RBPJ: variants seen among roughly 807,000 people sequenced by gnomAD.
The protein encoded by RBPJ is recombination signal binding protein for immunoglobulin kappa J region.
A neutral mutation model predicts 67.8 loss-of-function variants in RBPJ; 9 were observed. The ratio of observed to expected loss-of-function variants is 0.13; its 90% CI spans 0.08 to 0.23. RBPJ has a LOEUF of 0.23. Among genes scored for constraint, RBPJ ranks in the 10% least tolerant of loss-of-function variants. The probability of loss-of-function intolerance (pLI) is 1.00; values close to 1 mark genes in which losing one functional copy is unlikely to be tolerated. For missense variants in RBPJ, 305 were observed against 595.6 expected, an observed-to-expected ratio of 0.51 and a Z score of 5.08; for synonymous variants, 198 against 203.3, an observed-to-expected ratio of 0.97 and a Z score of 0.22.
At chr4:26,363,629 G>A (rs1728309294) in intron 1 of RBPJ, among the ~76,000 whole-genome samples, 2 of 152,080 alleles carry the variant, frequency 1.3e-5, no homozygotes, top group Admixed American at 6.6e-5. Context: ...AGTAGAGACG[G>A]GTTGTCACCA....
chr4:26,222,537 T>A, intron 1 of RBPJ, among the ~76,000 whole-genome samples: 1 of 147,702 alleles, frequency 6.8e-6, no homozygotes, highest in Non-Finnish European at 1.5e-5. Flanking sequence ...AGGTGATGAG[T>A]TTTCCAGTTA....
chr4:26,205,615 T>C (rs765829584), intron 1 of RBPJ, among the ~76,000 whole-genome samples: 3 of 150,826 alleles, frequency 2.0e-5, no homozygotes, highest in African/African-American at 4.8e-5. Flanking sequence ...TTTTTGGAGA[T>C]AGAGTCTTAC....
At chr4:26,244,569 T>C (rs1719862808) in intron 1 of RBPJ, among the ~76,000 whole-genome samples, 1 of 152,070 alleles carries the variant, frequency 6.6e-6, no homozygotes, top group African/African-American at 2.4e-5. Context: ...TGTTATTTTA[T>C]ATGACTATAT....
chr4:26,244,306 CAT>C (rs1469885081), intron 1 of RBPJ, among the ~76,000 whole-genome samples: 1 of 132,670 alleles, frequency 7.5e-6, no homozygotes, highest in Non-Finnish European at 1.6e-5. Context: ...TATGTGTACA[CAT>C]ATGTGTGTAT....
In RBPJ at chr4:26,244,273, ATATGTGTG is replaced by A. The variant is rs1560226089; in HGVS notation, c.-167+80663_-167+80670del. Among the ~76,000 whole-genome samples the A allele has an allele frequency of 5.4e-3, 65 of 12,098 alleles. 5 individuals carry two copies. The highest frequency in any genetic ancestry group is 0.017 in the African/African-American group (58 of 3,352). The allele number at this position is 12,098 out of a possible 152,430, so 7.9% of individuals were successfully genotyped here. A position where few individuals can be genotyped will look rare whatever the true frequency, so the allele number is the denominator to read the frequency against. The stretch of plus-strand genomic sequence containing the variant: ...TACACATACACATATGTGTACACAT[ATATGTGTG>A]TATATGTATACACATATGTGTACAC... On this transcript the variant is annotated intron_variant, in intron 1 of 4. Transcript: ENST00000512351.
At chr4:26,127,260 G>A in the RBPJ span, among the ~76,000 whole-genome samples, 1 of 152,220 alleles carries the variant, frequency 6.6e-6, no homozygotes, top group African/African-American at 2.4e-5. Context: ...AGATCTTTCT[G>A]TATTTCATGA....
intron 1 of RBPJ, among the ~76,000 whole-genome samples, chr4:26,338,083 T>A (rs1725056068): frequency 6.6e-6 from 1 of 151,010 alleles, no homozygotes; most frequent in African/African-American, 2.4e-5. Flanking sequence ...TTTGGCTTTG[T>A]GTTTTTTTGT....
At chr4:26,123,457 G>A in the RBPJ span, among the ~76,000 whole-genome samples, 1 of 152,104 alleles carries the variant, frequency 6.6e-6, no homozygotes, top group Admixed American at 6.5e-5. Context: ...TATACTATAT[G>A]CTGTAGACTT....
At chr4:26,113,675 G>T in the RBPJ span, 1 of 266,620 alleles carries the variant, frequency 3.8e-6, no homozygotes. Flanking sequence ...TCATGAGTGT[G>T]GAAAATTCTT....
intron 1 of RBPJ, among the ~76,000 whole-genome samples, chr4:26,338,928 T>C (rs983407252): frequency 2.0e-5 from 3 of 151,992 alleles, no homozygotes; most frequent in Admixed American, 6.6e-5. Context: ...CTCAGCTCAC[T>C]GCAGTCTCAA....
intron 1 of RBPJ, among the ~76,000 whole-genome samples, chr4:26,305,046 C>T (rs187326724): frequency 8.5e-5 from 13 of 152,258 alleles, no homozygotes; most frequent in Admixed American, 2.0e-4. Context: ...CAATGTCATT[C>T]TTTTGCATGT....
At chr4:26,415,681 G>C (rs372040425) in intron 4 of RBPJ, 41 bp downstream of exon 4, 45 of 1,523,736 alleles carry the variant, frequency 3.0e-5, no homozygotes, top group Non-Finnish European at 3.9e-5. Flanking sequence ...GGGCACCATG[G>C]TACCAGAATG....
intron 1 of RBPJ, among the ~76,000 whole-genome samples, chr4:26,258,867 G>A (rs1172462464): frequency 2.0e-5 from 3 of 151,812 alleles, no homozygotes; most frequent in Admixed American, 6.6e-5. Flanking sequence ...GCAGTGGTGC[G>A]ATCTTGGCTC....
intron 2 of RBPJ, 27 bp from the exon 3 acceptor site, chr4:26,406,148 A>G (rs1448962708): frequency 2.8e-6 from 4 of 1,411,810 alleles, no homozygotes; most frequent in Non-Finnish European, 4.0e-6. Context: ...TCACCTCTGT[A>G]ACAGTAATAT....
At position 26,406,473 on chromosome 4, in the gene RBPJ, A is replaced by G. The variant is rs140858403; in HGVS notation, c.155+203A>G. On this transcript the variant is annotated intron_variant, in intron 3 of 10. Coordinates refer to ENST00000355476, the MANE Select transcript of RBPJ (RefSeq NM_015874.6). ...TAGGAATAGATAATTGGTGCTGTGA[A>G]GAAAAGTCAGCATGGAGACAGAGGA... 6.0e-3 allele frequency among the ~76,000 whole-genome samples: 911 copies of G among 152,346 alleles called. 13 individuals are homozygous for G. The highest frequency in any genetic ancestry group is 0.021 in the African/African-American group (871 of 41,588).
intron 1 of RBPJ, among the ~76,000 whole-genome samples, chr4:26,377,233 A>G (rs986654973): frequency 1.3e-5 from 2 of 152,178 alleles, no homozygotes; most frequent in Non-Finnish European, 2.9e-5. Context: ...TGTGTTTTCC[A>G]TTGAAGAAAC....
chr4:26,330,645 G>A (rs192726949), intron 1 of RBPJ, among the ~76,000 whole-genome samples: 76 of 152,296 alleles, frequency 5.0e-4, no homozygotes, highest in Non-Finnish European at 1.0e-3. Context: ...AGTGAACAAA[G>A]CACATTTCCC....
chr4:26,394,765 G>GT (rs1481315261), intron 2 of RBPJ, among the ~76,000 whole-genome samples: 1 of 152,134 alleles, frequency 6.6e-6, no homozygotes, highest in Non-Finnish European at 1.5e-5. Flanking sequence ...TAACCAAAAG[G>GT]TAAGACTGGA....
In RBPJ at chr4:26,306,230, T is replaced by C. The variant is rs1376226570; in HGVS notation, c.-166-56216T>C. Among the ~76,000 whole-genome samples the C allele has an allele frequency of 1.3e-5, 2 of 151,750 alleles. 1 individual carries two copies. The highest frequency in any genetic ancestry group is 4.8e-5 in the African/African-American group (2 of 41,372). The stretch of plus-strand genomic sequence containing the variant: ...TAATTGTCCTGGCTAGAACCTTCAA[T>C]ACCATGTTGAATAGAATTGGTGAGA... On this transcript the variant is annotated intron_variant, in intron 1 of 4. Coordinates refer to the RBPJ transcript ENST00000512351.
Sources: gnomAD v4.1 joint callset for allele counts (sites outside exome capture counted in the v4.1 genomes callset) on GRCh38, gnomAD v4.1.1 for gene constraint, MANE v1.5 for transcripts, NCBI Gene and HGNC (gene_info 2026-07-23, HGNC 2026-07-21) for gene names.